Variants in ANAPC1 observed in about 807,000 individuals in gnomAD.
ANAPC1 encodes anaphase promoting complex subunit 1.
A neutral mutation model predicts 208.0 loss-of-function variants in ANAPC1; 36 were observed. The observed-to-expected ratio is 0.17, with a 90% confidence interval of 0.13 to 0.23. ANAPC1 has a LOEUF of 0.23. ANAPC1 is among the 10% of genes least tolerant of loss of function. ANAPC1 has a pLI of 1.00. For missense variants in ANAPC1, 942 were observed against 2,011.6 expected, an observed-to-expected ratio of 0.47 and a Z score of 10.17; for synonymous variants, 378 against 695.2, an observed-to-expected ratio of 0.54 and a Z score of 7.18.
intron 18 of ANAPC1, among the ~76,000 whole-genome samples, chr2:111,835,833 C>T (rs991860900): frequency 4.6e-5 from 7 of 151,878 alleles, no homozygotes; most frequent in Non-Finnish European, 8.8e-5. Flanking sequence ...CAGAGCGAGA[C>T]TCCATCTCAA....
intron 8 of ANAPC1, among the ~76,000 whole-genome samples, chr2:111,864,347 T>C (rs927261897): frequency 7.8e-6 from 1 of 128,828 alleles, no homozygotes; most frequent in Admixed American, 8.5e-5. Context: ...ATGATGATGA[T>C]GATGATGATG....
chr2:111,853,650 A>AT (rs1681534013), intron 13 of ANAPC1, among the ~76,000 whole-genome samples: 1 of 151,056 alleles, frequency 6.6e-6, no homozygotes, highest in Non-Finnish European at 1.5e-5. Context: ...TTATGTTGAT[A>AT]TTTTGTCCTC....
At chr2:111,873,126 T>G (rs993927468) in intron 5 of ANAPC1, 182 bp downstream of exon 5, 3 of 674,250 alleles carry the variant, frequency 4.4e-6, no homozygotes, top group African/African-American at 3.6e-5. Context: ...ACTAAATAAC[T>G]TATTTTCTTG....
intron 21 of ANAPC1, among the ~76,000 whole-genome samples, chr2:111,830,125 A>C (rs1370803320): frequency 6.6e-6 from 1 of 152,196 alleles, no homozygotes; most frequent in Non-Finnish European, 1.5e-5. Flanking sequence ...TAATGAAGGG[A>C]GGAGTAACGC....
chr2:111,791,811 T>G (rs945951718), intron 38 of ANAPC1, among the ~76,000 whole-genome samples: 2 of 151,448 alleles, frequency 1.3e-5, no homozygotes, highest in Non-Finnish European at 1.5e-5. Flanking sequence ...TTGAAAGTGC[T>G]ATACAGAATC....
intron 8 of ANAPC1, among the ~76,000 whole-genome samples, chr2:111,864,367 ATGATG>A (rs1434092151): frequency 3.7e-5 from 5 of 135,200 alleles, no homozygotes; most frequent in African/African-American, 1.4e-4. Flanking sequence ...GATGATGATG[ATGATG>A]ATAATAAAAC....
chr2:111,883,193 C>CAA (rs57137394), intron 1 of ANAPC1, among the ~76,000 whole-genome samples: 5 of 138,168 alleles, frequency 3.6e-5, no homozygotes, highest in African/African-American at 1.4e-4. Context: ...GAAAACCCCA[C>CAA]AAAAAAAAAA....
intron 6 of ANAPC1, among the ~76,000 whole-genome samples, chr2:111,871,273 G>C (rs1682732884): frequency 6.6e-6 from 1 of 152,100 alleles, no homozygotes; most frequent in Non-Finnish European, 1.5e-5. Flanking sequence ...CTTTTGGCAG[G>C]ATGATCATTT....
chr2:111,880,415 T>C (rs1573529970), intron 2 of ANAPC1, 198 bp downstream of exon 2: 1 of 1,057,958 alleles, frequency 9.5e-7, no homozygotes, highest in East Asian at 2.9e-5. Flanking sequence ...AAACCACAAG[T>C]TATAGAGGGT....
intron 1 of ANAPC1, among the ~76,000 whole-genome samples, chr2:111,882,886 G>A (rs1440864228): frequency 6.6e-6 from 1 of 152,014 alleles, no homozygotes; most frequent in African/African-American, 2.4e-5. Context: ...ACTTACAAGG[G>A]GCAGGGCGTG....
chr2:111,864,010 T>A, intron 8 of ANAPC1, 115 bp from the exon 9 acceptor site: 1 of 1,280,652 alleles, frequency 7.8e-7, no homozygotes, highest in Non-Finnish European at 1.0e-6. Flanking sequence ...CAGTATTTCT[T>A]CTTTCCTAAG....
intron 38 of ANAPC1, 25 bp from the exon 39 acceptor site, chr2:111,788,345 A>C: frequency 6.2e-7 from 1 of 1,612,892 alleles, no homozygotes; most frequent in Non-Finnish European, 8.5e-7. Flanking sequence ...CGGTGGGGAC[A>C]GATGTTATTG....
chr2:111,859,987 G>T (rs145442958), intron 10 of ANAPC1, among the ~76,000 whole-genome samples: 4 of 152,114 alleles, frequency 2.6e-5, no homozygotes, highest in Non-Finnish European at 5.9e-5. Flanking sequence ...TATAAAACTT[G>T]TATTGTGGTT....
intron 21 of ANAPC1, among the ~76,000 whole-genome samples, chr2:111,830,619 GACAAAACCTCAT>G (rs1191611398): frequency 6.6e-6 from 1 of 152,104 alleles, no homozygotes; most frequent in African/African-American, 2.4e-5. Flanking sequence ...CCACATATCT[GACAAAACCTCAT>G]ACCTAGAACC....
rs2104443577 is a variant in ANAPC1 at position 111,825,839 on chromosome 2, A to G, written c.2642T>C (p.Ile881Thr). ...RLVVLSIALY[I>T]LGDESLVSDE... ...AGAAACCAAGCTCTCATCACCAAGTATGTACAGTGCAATACTCTGCAAAGG... is the reference window on the plus strand; with the variant it reads ...AGAAACCAAGCTCTCATCACCAAGTGTGTACAGTGCAATACTCTGCAAAGG... The change falls in exon 22 of 48, where the codon ATA becomes ACA. Residue 881 changes from isoleucine to threonine, a missense_variant. Transcript: ENST00000341068. 6.2e-7 allele frequency: 1 copy of G among 1,613,722 alleles called. No homozygotes were observed. Among genetic ancestry groups the G allele is most frequent in the Non-Finnish European group, 8.5e-7 (1 of 1,179,674 alleles).
At chr2:111,874,534 A>G (rs1259940588) in intron 3 of ANAPC1, among the ~76,000 whole-genome samples, 3 of 151,792 alleles carry the variant, frequency 2.0e-5, no homozygotes, top group African/African-American at 7.3e-5. Context: ...TTGTCCTTTT[A>G]TATCTATTTT....
At chr2:111,825,257 A>C (rs1679771668) in intron 22 of ANAPC1, 90 bp from the exon 23 acceptor site, 9 of 1,532,236 alleles carry the variant, frequency 5.9e-6, no homozygotes, top group Non-Finnish European at 7.1e-6. Context: ...AATAAGAATC[A>C]ATTAGCAAAC....
chr2:111,871,534 T>C (rs1682745085), intron 6 of ANAPC1, among the ~76,000 whole-genome samples: 1 of 152,194 alleles, frequency 6.6e-6, no homozygotes, highest in Admixed American at 6.5e-5. Flanking sequence ...GTGGATCACC[T>C]GAGGTCGGGA....
intron 10 of ANAPC1, among the ~76,000 whole-genome samples, chr2:111,860,265 T>C (rs1681982939): frequency 6.6e-6 from 1 of 151,794 alleles, no homozygotes; most frequent in Middle Eastern, 3.4e-3. Flanking sequence ...AGTCACTCAC[T>C]GTACTCCAAC....
Sources: allele counts gnomAD v4.1 joint callset (sites outside exome capture counted in the v4.1 genomes callset), GRCh38; gene constraint gnomAD v4.1.1; transcripts MANE v1.5; gene names NCBI Gene and HGNC (gene_info 2026-07-23, HGNC 2026-07-21).